The following HDAC9 variants were observed in gnomAD, a reference collection of about 807,000 sequenced individuals.
HDAC9 encodes histone deacetylase 9.
In HDAC9, 41 loss-of-function variants were observed where a neutral mutation model predicts 139.4. That is an observed-to-expected ratio of 0.29 (90% CI 0.23 to 0.38). The LOEUF (loss-of-function observed/expected upper bound fraction) is 0.38, where lower values mean the gene tolerates loss of function less well. Ranked by LOEUF, HDAC9 falls within the 10% of genes least tolerant of loss-of-function variation. The probability of loss-of-function intolerance (pLI) is 1.00; values close to 1 mark genes in which losing one functional copy is unlikely to be tolerated. For synonymous variants in HDAC9, 517 were observed against 476.2 expected, an observed-to-expected ratio of 1.09 and a Z score of -1.12; for missense variants, 1,147 against 1,297.0, an observed-to-expected ratio of 0.88 and a Z score of 1.78.
intron 1 of HDAC9, among the ~76,000 whole-genome samples, chr7:18,386,151 C>T (rs1014281439): frequency 1.5e-4 from 23 of 152,160 alleles, no homozygotes; most frequent in African/African-American, 2.2e-4. Flanking sequence ...AAGCTCTCCC[C>T]GATCCCCAAC....
At chr7:18,849,854 A>G (rs970965086) in intron 21 of HDAC9, among the ~76,000 whole-genome samples, 13 of 152,142 alleles carry the variant, frequency 8.5e-5, no homozygotes, top group Non-Finnish European at 1.5e-4. Context: ...AGTGGACCCT[A>G]TGCGTATCAT....
intron 12 of HDAC9, among the ~76,000 whole-genome samples, chr7:18,694,796 C>A (rs775949823): frequency 6.6e-6 from 1 of 151,990 alleles, no homozygotes; most frequent in Non-Finnish European, 1.5e-5. Flanking sequence ...ATTAAAGAGG[C>A]CCCTCCAGTT....
intron 1 of HDAC9, among the ~76,000 whole-genome samples, chr7:18,454,026 G>A (rs1209393299): frequency 2.0e-5 from 3 of 152,028 alleles, no homozygotes; most frequent in African/African-American, 4.8e-5. Flanking sequence ...AATCTAATGC[G>A]AAAACAGACA....
chr7:18,215,753 G>C (rs1409400110), intron 2 of HDAC9, among the ~76,000 whole-genome samples: 1 of 152,118 alleles, frequency 6.6e-6, no homozygotes, highest in Non-Finnish European at 1.5e-5. Context: ...TTCATCTCAT[G>C]GGGGTCTTTC....
intron 16 of HDAC9, among the ~76,000 whole-genome samples, chr7:18,790,450 G>T (rs933792786): frequency 1.3e-5 from 2 of 152,048 alleles, no homozygotes; most frequent in East Asian, 1.9e-4. Flanking sequence ...AAGCCAAGGG[G>T]AGAGTCCTCA....
rs1479736938 is a variant in HDAC9 at position 19,000,866 on chromosome 7, TA to T, written c.*4805del. ...AAAGTTTCTGAAATCTCTGTTTCCT[TA>T]GTAGAAATGACCTTGACAACTTATT... On this transcript the variant is annotated 3_prime_UTR_variant, in exon 26 of 26. Transcript: ENST00000686413. The T allele has an allele frequency of 6.6e-6, 1 of 152,198 alleles. No individual in the cohort carries two copies. Among genetic ancestry groups the T allele is most frequent in the Non-Finnish European group, 1.5e-5 (1 of 68,018 alleles). The allele number at this position is 152,198 out of a possible 1,614,324, so 9.4% of individuals were successfully genotyped here.
chr7:18,777,990 T>C (rs1422523401), intron 16 of HDAC9, among the ~76,000 whole-genome samples: 1 of 151,862 alleles, frequency 6.6e-6, no homozygotes, highest in Non-Finnish European at 1.5e-5. Context: ...CAATTGAAGT[T>C]TCCTATTCTA....
chr7:18,346,138 AT>A (rs532847604), intron 1 of HDAC9, among the ~76,000 whole-genome samples: 66 of 152,268 alleles, frequency 4.3e-4, no homozygotes, highest in Middle Eastern at 3.4e-3. Flanking sequence ...AAGAAAAGTT[AT>A]GTTATGGCCC....
chr7:18,459,649 A>G (rs577006998), intron 1 of HDAC9, among the ~76,000 whole-genome samples: 2 of 152,266 alleles, frequency 1.3e-5, no homozygotes, highest in South Asian at 4.2e-4. Flanking sequence ...TGGTATTCAA[A>G]TTACAAATTA....
At chr7:18,498,424 C>CT (rs1222382902) in intron 2 of HDAC9, among the ~76,000 whole-genome samples, 2 of 152,096 alleles carry the variant, frequency 1.3e-5, no homozygotes, top group African/African-American at 4.8e-5. Context: ...CTTCAGCAAA[C>CT]TGAGATTCAC....
chr7:18,622,244 C>T (rs1840401946), intron 6 of HDAC9, among the ~76,000 whole-genome samples: 1 of 152,096 alleles, frequency 6.6e-6, no homozygotes, highest in Non-Finnish European at 1.5e-5. Flanking sequence ...TGACCTTCAC[C>T]TATGATTACA....
chr7:18,539,967 G>T (rs183486548), intron 2 of HDAC9, among the ~76,000 whole-genome samples: 1 of 151,814 alleles, frequency 6.6e-6, no homozygotes, highest in East Asian at 1.9e-4. Context: ...GGCAAAAGGG[G>T]AAAATGTTGG....
At chr7:18,089,983 T>A (rs1292647906) in intron 1 of HDAC9, among the ~76,000 whole-genome samples, 1 of 152,216 alleles carries the variant, frequency 6.6e-6, no homozygotes, top group Non-Finnish European at 1.5e-5. Flanking sequence ...CTCTTACTGC[T>A]TGAAGCCTTT....
intron 2 of HDAC9, among the ~76,000 whole-genome samples, chr7:18,194,433 T>C (rs1315122100): frequency 3.9e-5 from 6 of 152,194 alleles, no homozygotes; most frequent in African/African-American, 1.2e-4. Context: ...GTGTGCACTT[T>C]AGTGGCATTA....
intron 13 of HDAC9, among the ~76,000 whole-genome samples, chr7:18,737,276 C>G (rs1046506694): frequency 3.9e-5 from 6 of 152,126 alleles, no homozygotes; most frequent in African/African-American, 9.7e-5. Context: ...TTTCCGCTAG[C>G]TTTTGAATTT....
chr7:18,821,066 C>G (rs1794931652), intron 17 of HDAC9, among the ~76,000 whole-genome samples: 2 of 152,186 alleles, frequency 1.3e-5, no homozygotes, highest in African/African-American at 4.8e-5. Flanking sequence ...CAAAATGGCA[C>G]TTTGTTGCTG....
intron 2 of HDAC9, among the ~76,000 whole-genome samples, chr7:18,165,181 C>A (rs1406811225): frequency 6.6e-6 from 1 of 152,114 alleles, no homozygotes; most frequent in Non-Finnish European, 1.5e-5. Flanking sequence ...ACTTATCTAG[C>A]ATTTTCAAAA....
At chr7:18,342,581 A>G (rs891228704) in intron 1 of HDAC9, among the ~76,000 whole-genome samples, 11 of 151,916 alleles carry the variant, frequency 7.2e-5, no homozygotes, top group Admixed American at 5.9e-4. Context: ...TTCACTTTTT[A>G]TTAAGAAGGC....
At chr7:18,894,946 AG>A (rs1474228081) in intron 22 of HDAC9, among the ~76,000 whole-genome samples, 23 of 152,004 alleles carry the variant, frequency 1.5e-4, no homozygotes, top group Non-Finnish European at 2.9e-5. Flanking sequence ...TAATGGTGGG[AG>A]ATATATGAAG....
Sources: allele counts gnomAD v4.1 joint callset (sites outside exome capture counted in the v4.1 genomes callset), GRCh38; gene constraint gnomAD v4.1.1; transcripts MANE v1.5; gene names NCBI Gene and HGNC (gene_info 2026-07-23, HGNC 2026-07-21).